Variants in TOMM70 observed in about 807,000 individuals in gnomAD.
TOMM70 encodes mitochondrial import receptor subunit TOM70.
In TOMM70, 13 loss-of-function variants were observed where a neutral mutation model predicts 73.6. The ratio of observed to expected loss-of-function variants is 0.18; its 90% confidence interval spans 0.11 to 0.28. The LOEUF is 0.28. TOMM70 is among the 10% of genes least tolerant of loss of function. The pLI is 1.00. For missense variants in TOMM70, 609 were observed against 747.5 expected, an observed-to-expected ratio of 0.81 and a Z score of 2.16; for synonymous variants, 257 against 271.2, an observed-to-expected ratio of 0.95 and a Z score of 0.51.
At chr3:100,397,792 G>C (rs1353079913) in intron 1 of TOMM70, among the ~76,000 whole-genome samples, 1 of 152,114 alleles carries the variant, frequency 6.6e-6, no homozygotes, top group African/African-American at 2.4e-5. Context: ...GGGAGGCTGA[G>C]GCAGGACAAT....
At chr3:100,386,752 T>C in intron 2 of TOMM70, 53 bp downstream of exon 2, 1 of 1,565,904 alleles carries the variant, frequency 6.4e-7, no homozygotes, top group Non-Finnish European at 8.6e-7. Context: ...ACTGAAACTT[T>C]AAGCAAATAA....
At position 100,365,438 on chromosome 3, in the gene TOMM70, A is replaced by G; in HGVS notation, c.*126T>C. 1 of 1,413,268 alleles carries G rather than the reference A, an allele frequency of 7.1e-7. No individual in the cohort carries two copies. The highest frequency in any genetic ancestry group is 9.6e-7 in the Non-Finnish European group (1 of 1,042,538). 87.5% of individuals were successfully genotyped at this position (1,413,268 alleles called of 1,614,324 possible). A position where few individuals can be genotyped will look rare whatever the true frequency, so the allele number is the denominator to read the frequency against. On this transcript the variant is annotated 3_prime_UTR_variant, in exon 12 of 12. Transcript: ENST00000284320. Reference sequence around the variant, plus strand: ...ACCTAGACATGAAACAGATGTAACAAATAACAACACCACAAACAGAAATAC... The same window carrying G: ...ACCTAGACATGAAACAGATGTAACAGATAACAACACCACAAACAGAAATAC...
chr3:100,367,513 GATC>G (rs1706458452), intron 11 of TOMM70, among the ~76,000 whole-genome samples: 1 of 152,132 alleles, frequency 6.6e-6, no homozygotes, highest in Admixed American at 6.6e-5. Flanking sequence ...TTAAATTAGG[GATC>G]ATATAATCTC....
chr3:100,399,945 C>A (rs1390942222), intron 1 of TOMM70, among the ~76,000 whole-genome samples: 4 of 151,898 alleles, frequency 2.6e-5, no homozygotes, highest in African/African-American at 4.8e-5. Flanking sequence ...AGGTTACGGG[C>A]GCTGAGTGCT....
At chr3:100,392,141 A>G (rs1205031648) in intron 1 of TOMM70, among the ~76,000 whole-genome samples, 1 of 152,198 alleles carries the variant, frequency 6.6e-6, no homozygotes, top group Non-Finnish European at 1.5e-5. Context: ...AGACTGTACT[A>G]TCTAGGTTTG....
At chr3:100,385,126 C>T (rs144346174) in intron 3 of TOMM70, among the ~76,000 whole-genome samples, 2 of 152,338 alleles carry the variant, frequency 1.3e-5, no homozygotes, top group African/African-American at 2.4e-5. Flanking sequence ...ATGGACGTCT[C>T]GTCTCTTCCC....
At chr3:100,386,665 T>C (rs1706696242) in intron 2 of TOMM70, 140 bp downstream of exon 2, 2 of 1,057,224 alleles carry the variant, frequency 1.9e-6, no homozygotes, top group South Asian at 3.3e-5. Flanking sequence ...AGTTTTGCAA[T>C]TAATGGAAAT....
At position 100,400,845 on chromosome 3, in the gene TOMM70, C is replaced by T. The variant is rs1031032649; in HGVS notation, c.105G>A (p.Gly35=). ...GGGTAGPGTG[G]LPRWQLALAV... The stretch of plus-strand genomic sequence containing the variant: ...CCAGAGCCAGCTGCCATCGCGGCAG[C>T]CCCCCCGTGCCCGGGCCCGCAGTCC... The change falls in exon 1 of 12, where the codon GGG becomes GGA. Residue 35 remains glycine (G), a synonymous_variant. Coordinates refer to ENST00000284320, the MANE Select transcript of TOMM70 (RefSeq NM_014820.5). 9.9e-6 allele frequency: 15 copies of T among 1,522,330 alleles called. No homozygotes were observed. Among genetic ancestry groups the T allele is most frequent in the African/African-American group, 4.2e-5 (3 of 70,986 alleles). The allele number at this position is 1,522,330 out of a possible 1,614,324, so 94.3% of individuals were successfully genotyped here.
intron 10 of TOMM70, 147 bp from the exon 11 acceptor site, chr3:100,368,313 GT>G (rs922063538): frequency 5.0e-6 from 5 of 1,002,166 alleles, no homozygotes; most frequent in East Asian, 6.1e-5. Context: ...ATCAAATTGT[GT>G]TTTTTTTCTC....
At chr3:100,387,146 G>C (rs1706701007) in intron 1 of TOMM70, among the ~76,000 whole-genome samples, 168 bp from the exon 2 acceptor site, 2 of 152,146 alleles carry the variant, frequency 1.3e-5, no homozygotes, top group South Asian at 4.1e-4. Flanking sequence ...TAGGATTGTT[G>C]AGTCAAAAAG....
chr3:100,382,281 A>G (rs116820049), intron 4 of TOMM70, among the ~76,000 whole-genome samples: 40 of 152,354 alleles, frequency 2.6e-4, no homozygotes, highest in African/African-American at 8.4e-4. Context: ...AATTCAGCCC[A>G]AAGAGTTTAA....
chr3:100,368,707 C>G (rs953777449), intron 10 of TOMM70, among the ~76,000 whole-genome samples: 9 of 152,118 alleles, frequency 5.9e-5, no homozygotes, highest in Admixed American at 2.0e-4. Flanking sequence ...TGCTGAGTAG[C>G]TGGGAATCGG....
At chr3:100,380,962 T>A (rs190043520) in intron 5 of TOMM70, among the ~76,000 whole-genome samples, 58 of 152,236 alleles carry the variant, frequency 3.8e-4, no homozygotes, top group Non-Finnish European at 7.2e-4. Context: ...GTTAAAAAAA[T>A]CATGTTGATA....
intron 4 of TOMM70, among the ~76,000 whole-genome samples, chr3:100,383,596 C>A (rs1706660511): frequency 6.6e-6 from 1 of 151,142 alleles, no homozygotes; most frequent in Admixed American, 6.6e-5. Context: ...TAGAGATTCA[C>A]AACACACCTT....
In TOMM70 at chr3:100,386,326, C is replaced by T. The variant is rs1235703605; in HGVS notation, c.517G>A (p.Ala173Thr). 1.7e-5 allele frequency: 27 copies of T among 1,602,598 alleles called. No individual in the cohort carries two copies. The highest frequency in any genetic ancestry group is 4.0e-5 in the African/African-American group (3 of 74,322). Reference sequence around the variant, plus strand: ...TCAACAGCTTTTGTACAGTCTTGTGCCACTTCTTTCCATTTTTGCTGTAAT... The same window carrying T: ...TCAACAGCTTTTGTACAGTCTTGTGTCACTTCTTTCCATTTTTGCTGTAAT... The part of the protein sequence containing the change: ...FEQLQKWKEV[A>T]QDCTKAVELN... The change falls in exon 3 of 12, where the codon GCA becomes ACA. Residue 173 changes from alanine to threonine, a missense_variant. Ala to Thr is a moderately conservative substitution (Grantham distance 58). Around this residue, in one of 2 missense-constraint regions of TOMM70, gnomAD observed 432 missense variants for 584.1 expected, o/e 0.74. Transcript: ENST00000284320.
In TOMM70 at chr3:100,386,309, TTTTG is replaced by T. The variant is rs1384045498; in HGVS notation, c.530_533del (p.Thr177LysfsTer10). 6.2e-7 allele frequency: 1 copy of T among 1,613,086 alleles called. No individual in the cohort carries two copies. On this transcript the variant is annotated frameshift_variant, in exon 3 of 12. Coordinates refer to ENST00000284320, the MANE Select transcript of TOMM70 (RefSeq NM_014820.5). LOFTEE classifies it high-confidence loss of function. ...CATATTTGGGATTAAGTTCAACAGCTTTTGTACAGTCTTGTGCCACTTCTTTCCA... is the reference window on the plus strand; with the variant it reads ...CATATTTGGGATTAAGTTCAACAGCTTACAGTCTTGTGCCACTTCTTTCCA...
At chr3:100,378,513 C>G (rs1367979006) in intron 5 of TOMM70, among the ~76,000 whole-genome samples, 1 of 152,116 alleles carries the variant, frequency 6.6e-6, no homozygotes, top group South Asian at 2.1e-4. Context: ...CATTTAGATA[C>G]TGAAAAGATG....
At chr3:100,378,250 AAAAG>A (rs537340546) in intron 5 of TOMM70, among the ~76,000 whole-genome samples, 572 of 152,244 alleles carry the variant, frequency 3.8e-3, no homozygotes, top group Non-Finnish European at 5.9e-3. Context: ...CTCAAAAAAA[AAAAG>A]AAAGAAAGAA....
Position 100,401,005 on chromosome 3 carries a change from A to C in TOMM70, c.-56T>G. ...CTGTCGCGAGCGCCACAATCACCAAACAGCGTGCGAAGGAAGACCGAGGGA... is the reference window on the plus strand; with the variant it reads ...CTGTCGCGAGCGCCACAATCACCAACCAGCGTGCGAAGGAAGACCGAGGGA... On this transcript the variant is annotated 5_prime_UTR_variant, in exon 1 of 12. Coordinates refer to ENST00000284320, the MANE Select transcript of TOMM70 (RefSeq NM_014820.5). The C allele has an allele frequency of 5.4e-6, 8 of 1,482,852 alleles. No homozygotes were observed. The highest frequency in any genetic ancestry group is 1.2e-5 in the South Asian group (1 of 82,338). 91.9% of individuals were successfully genotyped at this position (1,482,852 alleles called of 1,614,324 possible). A position where few individuals can be genotyped will look rare whatever the true frequency, so the allele number is the denominator to read the frequency against.
Sources: allele counts gnomAD v4.1 joint callset (sites outside exome capture counted in the v4.1 genomes callset), GRCh38; gene constraint gnomAD v4.1.1; regional missense constraint gnomAD v4.1.1; transcripts MANE v1.5; gene names NCBI Gene and HGNC (gene_info 2026-07-23, HGNC 2026-07-21).